Variants in PCDHGB6 observed in about 807,000 individuals in gnomAD.
The protein encoded by PCDHGB6 is protocadherin gamma subfamily B, 6.
In PCDHGB6, 51 loss-of-function variants were observed where a neutral mutation model predicts 59.1. The observed-to-expected ratio is 0.86, with a 90% CI of 0.69 to 1.09. The LOEUF is 1.09. PCDHGB6 is among the 50% of genes least tolerant of loss of function. The pLI is 0.00. For missense variants in PCDHGB6, 1,148 were observed against 1,205.1 expected (o/e 0.95, Z 0.70); for synonymous variants, 466 against 495.1 (o/e 0.94, Z 0.78).
At position 141,424,003 on chromosome 5, in the gene PCDHGB6, T is replaced by C. The variant is rs150506228; in HGVS notation, c.2418+13383T>C. 5.3e-3 allele frequency: 5,614 copies of C among 1,067,752 alleles called. 27 individuals carry two copies. The highest frequency in any genetic ancestry group is 0.01 in the Admixed American group (195 of 19,092). 66.1% of individuals were successfully genotyped at this position (1,067,752 alleles called of 1,614,324 possible). A position where few individuals can be genotyped will look rare whatever the true frequency, so the allele number is the denominator to read the frequency against. ...AGGCTCTCAATTTATTATATATAGA[T>C]ACAAATTAATGATTCACAAACACTT... On this transcript the variant is annotated intron_variant, in intron 1 of 3. Transcript: ENST00000520790.
intron 1 of PCDHGB6, chr5:141,433,069 C>T (rs561950316): frequency 2.5e-6 from 4 of 1,614,080 alleles, no homozygotes; most frequent in African/African-American, 1.3e-5. Context: ...ACCTGATCTT[C>T]CCCCAGCCCA....
chr5:141,418,670 G>T (rs767728571), intron 1 of PCDHGB6: 2 of 1,614,042 alleles, frequency 1.2e-6, no homozygotes, highest in Non-Finnish European at 1.7e-6. Context: ...TGACCAGGAC[G>T]AGGGCATCAA....
At chr5:141,482,761 ATT>A (rs2099571906) in intron 1 of PCDHGB6, among the ~76,000 whole-genome samples, 1 of 127,370 alleles carries the variant, frequency 7.9e-6, no homozygotes, top group Admixed American at 7.7e-5. Flanking sequence ...ATGGTATTTC[ATT>A]ATCACTGAAC....
chr5:141,412,931 T>C (rs1010992022), intron 1 of PCDHGB6: 5 of 453,108 alleles, frequency 1.1e-5, no homozygotes, highest in African/African-American at 2.0e-5. Flanking sequence ...CAGTAACTTC[T>C]TAGGACTCTG....
chr5:141,476,584 C>T lies in PCDHGB6; in HGVS notation c.2419-18223C>T. 6.2e-7 allele frequency: 1 copy of T among 1,614,218 alleles called. No individual in the cohort carries two copies. The highest frequency in any genetic ancestry group is 8.5e-7 in the Non-Finnish European group (1 of 1,180,042). ...TGGCTCCGGGGACGCGCTTTCCGCTCGAGAGCGCGCACGATCCCGATGTGG... is the reference window on the plus strand; with the variant it reads ...TGGCTCCGGGGACGCGCTTTCCGCTTGAGAGCGCGCACGATCCCGATGTGG... On this transcript the variant is annotated intron_variant, in intron 1 of 3. Coordinates refer to ENST00000520790, the MANE Select transcript of PCDHGB6 (RefSeq NM_018926.3). The surrounding 1 kb of genome is among the most constrained non-coding windows in gnomAD (Gnocchi z 7.6).
At chr5:141,413,115 A>C in intron 1 of PCDHGB6, 1 of 1,507,478 alleles carries the variant, frequency 6.6e-7, no homozygotes, top group Non-Finnish European at 8.9e-7. Context: ...AGACAAAGGA[A>C]CCGGTTGAAA....
Position 141,512,931 on chromosome 5 carries a change from C to T in PCDHGB6, c.*1758C>T, listed in dbSNP as rs2099884512. On this transcript the variant is annotated 3_prime_UTR_variant, in exon 4 of 4. Transcript: ENST00000520790. ...GTTTTATACTCTAATATTTATATGG[C>T]TTTTTTTCTTCGACAAAAAAATAAT... The T allele has an allele frequency of 6.6e-6, 1 of 152,006 alleles. No homozygotes were observed. The highest frequency in any genetic ancestry group is 2.4e-5 in the African/African-American group (1 of 41,414). The allele number at this position is 152,006 out of a possible 1,614,324, so 9.4% of individuals were successfully genotyped here.
chr5:141,408,442 G>A lies in PCDHGB6; in HGVS notation c.240G>A (p.Glu80=), dbSNP rs774397781. Residue 80 remains glutamate, a synonymous_variant, in exon 1 of 4, where the codon GAG becomes GAA. Transcript: ENST00000520790. ...AGCTGCACTTCAGCGTAGACGCGGA[G>A]AGCGGGGACTTACTTGTGAAGAACC... is the stretch of plus-strand genomic sequence containing the variant. ...AEKLHFSVDA[E]SGDLLVKNRI... 8.7e-6 allele frequency: 14 copies of A among 1,614,080 alleles called. 1 individual carries two copies. The South Asian group carries it at 1.5e-4, about 18-fold the overall frequency.
At chr5:141,509,344 T>A (rs2099876374) in intron 3 of PCDHGB6, among the ~76,000 whole-genome samples, 1 of 152,202 alleles carries the variant, frequency 6.6e-6, no homozygotes, top group Admixed American at 6.5e-5. Flanking sequence ...GGGCCTGGGC[T>A]GGCCTGGGCA....
At chr5:141,456,897 A>G (rs1351271896) in intron 1 of PCDHGB6, among the ~76,000 whole-genome samples, 2 of 152,178 alleles carry the variant, frequency 1.3e-5, no homozygotes, top group Admixed American at 1.3e-4. Context: ...CGGGAGGCAG[A>G]GGTTGCAGTG....
Position 141,485,549 on chromosome 5 carries a change from G to A in PCDHGB6, c.2419-9258G>A. 6.2e-7 allele frequency: 1 copy of A among 1,614,030 alleles called. No homozygotes were observed. The highest frequency in any genetic ancestry group is 1.1e-5 in the South Asian group (1 of 91,068). On this transcript the variant is annotated intron_variant, in intron 1 of 3. Transcript: ENST00000520790. The surrounding 1 kb of genome is among the most constrained non-coding windows in gnomAD (Gnocchi z 5.7). ...CCGAGCAGAGGTAGAGATCGTAGATGTGAATGATCACGCCCCCCGTTTTCC... is the reference window on the plus strand; with the variant it reads ...CCGAGCAGAGGTAGAGATCGTAGATATGAATGATCACGCCCCCCGTTTTCC...
intron 1 of PCDHGB6, chr5:141,422,140 C>CG (rs1369033587): frequency 6.3e-7 from 1 of 1,586,656 alleles, no homozygotes; most frequent in Non-Finnish European, 8.5e-7. Context: ...AGTTCAAGTA[C>CG]GGGGGTCTCT....
chr5:141,419,177 C>G (rs1223789288), intron 1 of PCDHGB6: 3 of 1,613,980 alleles, frequency 1.9e-6, no homozygotes, highest in Non-Finnish European at 2.5e-6. Flanking sequence ...AACCATAACC[C>G]TGCACATTAC....
chr5:141,437,408 G>A (rs1591455458), intron 1 of PCDHGB6, among the ~76,000 whole-genome samples: 1 of 152,200 alleles, frequency 6.6e-6, no homozygotes, highest in Non-Finnish European at 1.5e-5. Flanking sequence ...CATTCCAGAA[G>A]TATTATGCTT....
chr5:141,474,093 C>G (rs2099341169), intron 1 of PCDHGB6, among the ~76,000 whole-genome samples: 1 of 152,098 alleles, frequency 6.6e-6, no homozygotes, highest in African/African-American at 2.4e-5. Flanking sequence ...AAAAAACAAA[C>G]AACAACAAAA....
At chr5:141,462,786 T>G (rs1394476968) in intron 1 of PCDHGB6, among the ~76,000 whole-genome samples, 1 of 152,216 alleles carries the variant, frequency 6.6e-6, no homozygotes, top group Admixed American at 6.5e-5. Flanking sequence ...AATTTGTTGC[T>G]TATTTGCATG....
In PCDHGB6 at chr5:141,511,364, T is replaced by C. The variant is rs115159796; in HGVS notation, c.*191T>C. The C allele has an allele frequency of 4.6e-4, 610 of 1,317,098 alleles. 5 individuals are homozygous for C. In the African/African-American group the frequency reaches 7.1e-3, roughly 15 times the overall value. The allele number at this position is 1,317,098 out of a possible 1,614,324, so 81.6% of individuals were successfully genotyped here. On this transcript the variant is annotated 3_prime_UTR_variant, in exon 4 of 4. Coordinates refer to ENST00000520790, the MANE Select transcript of PCDHGB6 (RefSeq NM_018926.3). ...ACCCCTTCCCCCCCAGGGGGTTGAA[T>C]ATGCAAAAGCAGTTCCGCTGGGAAC...
Position 141,410,521 on chromosome 5 carries a change from A to G in PCDHGB6, c.2319A>G (p.Leu773=), listed in dbSNP as rs201505796. The part of the protein sequence containing the change: ...EFNFLKCSVP[L]HSNEDMVCSV... ...ATTTCCTAAAATGCAGTGTGCCCCT[A>G]CATTCCAATGAAGACATGGTTTGCA... is the stretch of plus-strand genomic sequence containing the variant. Residue 773 remains leucine, a synonymous_variant, in exon 1 of 4, where the codon CTA becomes CTG. Coordinates refer to ENST00000520790, the MANE Select transcript of PCDHGB6 (RefSeq NM_018926.3). 1,940 of 1,613,966 alleles carry G rather than the reference A, an allele frequency of 1.2e-3. 3 individuals are homozygous for G. Among genetic ancestry groups the G allele is most frequent in the Non-Finnish European group, 1.5e-3 (1,760 of 1,179,896 alleles).
intron 1 of PCDHGB6, among the ~76,000 whole-genome samples, chr5:141,464,794 A>C (rs2154568597): frequency 6.6e-6 from 1 of 152,128 alleles, no homozygotes; most frequent in East Asian, 1.9e-4. Flanking sequence ...GCCAAATTGC[A>C]GTGATGCAGT....
Sources: allele counts gnomAD v4.1 joint callset (sites outside exome capture counted in the v4.1 genomes callset), GRCh38; gene constraint gnomAD v4.1.1; non-coding constraint Gnocchi (gnomAD v3.1); transcripts MANE v1.5; gene names NCBI Gene and HGNC (gene_info 2026-07-23, HGNC 2026-07-21).